DLGAP2: variants seen among roughly 807,000 people sequenced by gnomAD.
DLGAP2 encodes DLG associated protein 2, also known as disks large-associated protein 2.
A neutral mutation model predicts 100.3 loss-of-function variants in DLGAP2; 26 were observed. The observed-to-expected ratio is 0.26, with a 90% CI of 0.19 to 0.36. DLGAP2 has a LOEUF of 0.36. Ranked by LOEUF, DLGAP2 falls within the 10% of genes least tolerant of loss-of-function variation. DLGAP2 has a pLI of 1.00. For synonymous variants in DLGAP2, 886 were observed against 630.1 expected, an observed-to-expected ratio of 1.41 and a Z score of -6.08; for missense variants, 1,858 against 1,453.2, an observed-to-expected ratio of 1.28 and a Z score of -4.53.
chr8:869,825 A>C (rs1585954327), intron 1 of DLGAP2, among the ~76,000 whole-genome samples: 1 of 152,196 alleles, frequency 6.6e-6, no homozygotes, highest in East Asian at 1.9e-4. Context: ...CCTGATGGGC[A>C]CCCCGGCAGC....
At chr8:1,313,021 G>T (rs997930715) in intron 3 of DLGAP2, among the ~76,000 whole-genome samples, 5 of 152,236 alleles carry the variant, frequency 3.3e-5, no homozygotes, top group African/African-American at 9.6e-5. Context: ...TGTTTTATGA[G>T]GTCAGGACTG....
In DLGAP2 at chr8:830,957, A is replaced by G. The variant is rs1330215765; in HGVS notation, c.19-76955A>G. Among the ~76,000 whole-genome samples, 7 of 149,990 alleles carry G rather than the reference A, an allele frequency of 4.7e-5. No homozygotes were observed. In the East Asian group the frequency reaches 1.4e-3, roughly 30 times the overall value. On this transcript the variant is annotated intron_variant, in intron 1 of 14. Coordinates refer to ENST00000637795, the MANE Select transcript of DLGAP2 (RefSeq NM_001346810.2). ...GTCACCCAGGCTGGAGGGCAGTGGC[A>G]CAATCTCAGCTCACTGCAACCTTTG...
At chr8:1,244,195 G>A (rs1193218808) in intron 2 of DLGAP2, among the ~76,000 whole-genome samples, 1 of 152,354 alleles carries the variant, frequency 6.6e-6, no homozygotes, top group East Asian at 1.9e-4. Context: ...CGGTTAGAGT[G>A]CATTTGTAGG....
intron 6 of DLGAP2, among the ~76,000 whole-genome samples, chr8:1,613,822 C>T (rs1285780445): frequency 2.0e-5 from 3 of 152,176 alleles, no homozygotes; most frequent in East Asian, 3.9e-4. Flanking sequence ...TCACACTGGC[C>T]TCCTCTGTAT....
intron 2 of DLGAP2, among the ~76,000 whole-genome samples, chr8:1,167,176 T>A (rs559800387): frequency 2.0e-5 from 3 of 152,194 alleles, no homozygotes; most frequent in African/African-American, 7.2e-5. Context: ...AAAAGCCTCC[T>A]GACTTACATG....
At chr8:1,203,984 TTTGAACTAAG>T (rs1484953239) in intron 2 of DLGAP2, among the ~76,000 whole-genome samples, 1 of 152,216 alleles carries the variant, frequency 6.6e-6, no homozygotes, top group African/African-American at 2.4e-5. Flanking sequence ...AAGGCGTTCT[TTTGAACTAAG>T]CATGTAGGGT....
chr8:1,313,570 C>T (rs1347409195), intron 3 of DLGAP2, among the ~76,000 whole-genome samples: 1 of 152,130 alleles, frequency 6.6e-6, no homozygotes, highest in Non-Finnish European at 1.5e-5. Context: ...AAGGTTTTTC[C>T]TGTGGAACAC....
rs138540836 is a variant in DLGAP2, at chr8:1,061,543, G to C, written c.73+153577G>C. Among the ~76,000 whole-genome samples the C allele has an allele frequency of 3.2e-3, 493 of 152,148 alleles. 2 individuals are homozygous for C. The highest frequency in any genetic ancestry group is 0.012 in the African/African-American group (480 of 41,490). ...CCCCTCCAGCCATGTATTTTGTTTGGGGTAAGACGTGTGTGGACTCGGGTG... is the reference window on the plus strand; with the variant it reads ...CCCCTCCAGCCATGTATTTTGTTTGCGGTAAGACGTGTGTGGACTCGGGTG... On this transcript the variant is annotated intron_variant, in intron 2 of 14. Coordinates refer to ENST00000637795, the MANE Select transcript of DLGAP2 (RefSeq NM_001346810.2).
At chr8:1,677,211 G>T (rs992411964) in intron 11 of DLGAP2, among the ~76,000 whole-genome samples, 1 of 152,074 alleles carries the variant, frequency 6.6e-6, no homozygotes, top group Non-Finnish European at 1.5e-5. Context: ...GTGTTGGGTG[G>T]CCTCCCTCAT....
chr8:1,061,520 C>G (rs60350749), intron 2 of DLGAP2, among the ~76,000 whole-genome samples: 10,970 of 152,146 alleles, frequency 0.072, 1,236 homozygotes, highest in African/African-American at 0.25. Context: ...TGCATCCCCC[C>G]CTCCAGCCAT....
chr8:1,312,672 A>G (rs763623889), intron 3 of DLGAP2, among the ~76,000 whole-genome samples: 3 of 152,218 alleles, frequency 2.0e-5, no homozygotes, highest in Non-Finnish European at 2.9e-5. Flanking sequence ...ATTTTATGTC[A>G]TCTGTACCAG....
chr8:1,316,828 C>T (rs369244998), intron 3 of DLGAP2, among the ~76,000 whole-genome samples: 1 of 129,186 alleles, frequency 7.7e-6, no homozygotes, highest in Non-Finnish European at 1.6e-5. Context: ...AAAATAGAGC[C>T]TGTGCGAGTG....
intron 2 of DLGAP2, among the ~76,000 whole-genome samples, chr8:1,226,558 C>G (rs1585168624): frequency 6.6e-6 from 1 of 152,188 alleles, no homozygotes; most frequent in Admixed American, 6.5e-5. Flanking sequence ...AGCAAACCAC[C>G]ATGGCACACA....
chr8:760,962 T>TGG (rs1051113408), intron 1 of DLGAP2, among the ~76,000 whole-genome samples: 1 of 152,010 alleles, frequency 6.6e-6, no homozygotes, highest in African/African-American at 2.4e-5. Context: ...ATTTTGCGAG[T>TGG]GGGTGGTAGT....
At chr8:1,064,220 A>G (rs1402456173) in intron 2 of DLGAP2, among the ~76,000 whole-genome samples, 3 of 152,230 alleles carry the variant, frequency 2.0e-5, no homozygotes, top group Non-Finnish European at 4.4e-5. Flanking sequence ...ACCTGCAAGT[A>G]ATGAATATTG....
chr8:1,341,611 T>C (rs1168410944), intron 3 of DLGAP2, among the ~76,000 whole-genome samples: 5 of 152,198 alleles, frequency 3.3e-5, no homozygotes. Context: ...CTGTGTCGTT[T>C]TCCCCATAAT....
intron 4 of DLGAP2, among the ~76,000 whole-genome samples, chr8:1,504,708 C>T (rs997848410): frequency 6.6e-6 from 1 of 152,196 alleles, no homozygotes; most frequent in Non-Finnish European, 1.5e-5. Flanking sequence ...TATGTTGTTG[C>T]AAATGCTAGG....
At chr8:868,693 C>G (rs1354551599) in intron 1 of DLGAP2, among the ~76,000 whole-genome samples, 3 of 152,176 alleles carry the variant, frequency 2.0e-5, no homozygotes, top group Non-Finnish European at 4.4e-5. Context: ...CTGGTGTGGG[C>G]TTTGGTGTGT....
intron 5 of DLGAP2, among the ~76,000 whole-genome samples, chr8:1,554,856 T>A (rs1443304211): frequency 2.0e-5 from 3 of 147,698 alleles, no homozygotes; most frequent in African/African-American, 7.5e-5. Context: ...TGCTTTCAAC[T>A]CCAGAAAACC....
Sources: allele counts gnomAD v4.1 joint callset (sites outside exome capture counted in the v4.1 genomes callset), GRCh38; gene constraint gnomAD v4.1.1; transcripts MANE v1.5; gene names NCBI Gene and HGNC (gene_info 2026-07-23, HGNC 2026-07-21).